KCNH1: variants seen among roughly 807,000 people sequenced by gnomAD.
KCNH1 encodes voltage-gated delayed rectifier potassium channel KCNH1.
Under a neutral mutation model 69.2 loss-of-function variants are expected in KCNH1, and 27 were observed. That is an observed-to-expected ratio of 0.39 (90% CI 0.29 to 0.54). The LOEUF is 0.54. KCNH1 is among the 20% of genes least tolerant of loss of function. KCNH1 has a pLI of 0.68. For synonymous variants in KCNH1, 456 were observed against 487.7 expected, an observed-to-expected ratio of 0.93 and a Z score of 0.86; for missense variants, 798 against 1,261.6, an observed-to-expected ratio of 0.63 and a Z score of 5.57.
At chr1:210,724,665 T>TATC (rs1682547418) in intron 10 of KCNH1, among the ~76,000 whole-genome samples, 1 of 152,178 alleles carries the variant, frequency 6.6e-6, no homozygotes, top group Admixed American at 6.5e-5. Context: ...CTTTGTACTT[T>TATC]ATCAAGTTCT....
chr1:210,896,237 C>T (rs1034390021), intron 7 of KCNH1, among the ~76,000 whole-genome samples: 1 of 152,018 alleles, frequency 6.6e-6, no homozygotes, highest in African/African-American at 2.4e-5. Flanking sequence ...AGACCTTGAC[C>T]TGAACCATTC....
intron 5 of KCNH1, among the ~76,000 whole-genome samples, chr1:211,071,804 T>A (rs1690648405): frequency 6.6e-6 from 1 of 152,192 alleles, no homozygotes. Context: ...TGAAAAACAA[T>A]CCACATATTA....
At chr1:210,864,476 T>G (rs1686060079) in intron 7 of KCNH1, among the ~76,000 whole-genome samples, 1 of 152,186 alleles carries the variant, frequency 6.6e-6, no homozygotes, top group Non-Finnish European at 1.5e-5. Context: ...GGAAGATAGC[T>G]TCCTGTGCTG....
intron 9 of KCNH1, among the ~76,000 whole-genome samples, chr1:210,793,730 G>A (rs769333296): frequency 6.6e-6 from 1 of 152,166 alleles, no homozygotes; most frequent in African/African-American, 2.4e-5. Flanking sequence ...GAGCTCTGGC[G>A]TTTTTTTCTA....
intron 10 of KCNH1, among the ~76,000 whole-genome samples, chr1:210,747,058 G>T (rs572900060): frequency 3.3e-5 from 5 of 152,314 alleles, no homozygotes; most frequent in Admixed American, 6.5e-5. Flanking sequence ...ATTTCACACT[G>T]CAACAGGGGA....
intron 6 of KCNH1, among the ~76,000 whole-genome samples, chr1:210,985,598 T>C (rs557596217): frequency 2.6e-4 from 39 of 152,296 alleles, no homozygotes; most frequent in African/African-American, 8.2e-4. Context: ...TGGTTTTGAG[T>C]GAGTTTCTTA....
At chr1:210,689,547 T>A (rs1681483809) in intron 10 of KCNH1, among the ~76,000 whole-genome samples, 1 of 152,192 alleles carries the variant, frequency 6.6e-6, no homozygotes, top group South Asian at 2.1e-4. Flanking sequence ...TCCTCAGTGG[T>A]TTGCATAAAT....
chr1:211,132,247 C>A (rs1558617829), intron 1 of KCNH1, among the ~76,000 whole-genome samples: 2 of 152,166 alleles, frequency 1.3e-5, no homozygotes, highest in Non-Finnish European at 2.9e-5. Flanking sequence ...GTCTCCATAC[C>A]CCTTAATAGT....
intron 3 of KCNH1, among the ~76,000 whole-genome samples, chr1:211,103,166 T>A (rs1437739130): frequency 6.6e-6 from 1 of 152,240 alleles, no homozygotes; most frequent in Non-Finnish European, 1.5e-5. Flanking sequence ...TTCTGTCTCA[T>A]CTTCTCCCTC....
chr1:211,059,989 A>G (rs990295823), intron 5 of KCNH1, among the ~76,000 whole-genome samples: 2 of 152,152 alleles, frequency 1.3e-5, no homozygotes, highest in African/African-American at 4.8e-5. Flanking sequence ...TAGACCACAA[A>G]TCAAGTCTTA....
At chr1:210,927,916 A>C (rs191025864) in intron 6 of KCNH1, among the ~76,000 whole-genome samples, 2 of 152,282 alleles carry the variant, frequency 1.3e-5, no homozygotes, top group Non-Finnish European at 2.9e-5. Flanking sequence ...GGCTATTCTT[A>C]TATCAGACAA....
chr1:210,778,954 A>G (rs147317463), intron 9 of KCNH1, among the ~76,000 whole-genome samples: 4 of 152,342 alleles, frequency 2.6e-5, no homozygotes, highest in South Asian at 2.1e-4. Context: ...TTACCCATAT[A>G]TCTATAAAAA....
rs397825782 is a variant in KCNH1 at position 210,935,193 on chromosome 1, A to AT, written c.1033-15125dup. Among the ~76,000 whole-genome samples, 373 of 151,562 alleles carry AT rather than the reference A, an allele frequency of 2.5e-3. 3 individuals carry two copies. Among genetic ancestry groups the AT allele is most frequent in the South Asian group, 0.019 (89 of 4,760 alleles). ...ATAGTATTCAGCCATAAAAAAAAAA[A>AT]TAAAATCCTGCCATTTGCAGGATGA... On this transcript the variant is annotated intron_variant, in intron 6 of 10. Coordinates refer to ENST00000271751, the MANE Select transcript of KCNH1 (RefSeq NM_172362.3).
chr1:210,900,220 G>A (rs1408771354), intron 7 of KCNH1, among the ~76,000 whole-genome samples: 1 of 152,210 alleles, frequency 6.6e-6, no homozygotes, highest in Admixed American at 6.5e-5. Context: ...TGGAAGGAAA[G>A]TAGTCTTGCT....
rs189655592 is a variant in KCNH1 at position 210,843,110 on chromosome 1, T to A, written c.1463-38944A>T. ...TTCAAAGTCATCTAATACGGATCCA[T>A]TACAAGACCTGCAGAAGGTAGAGAA... On this transcript the variant is annotated intron_variant, in intron 7 of 10. Coordinates refer to ENST00000271751, the MANE Select transcript of KCNH1 (RefSeq NM_172362.3). Among the ~76,000 whole-genome samples, 426 of 152,292 alleles carry A rather than the reference T, an allele frequency of 2.8e-3. 5 individuals are homozygous for A. The highest frequency in any genetic ancestry group is 3.7e-3 in the Non-Finnish European group (250 of 68,012).
At chr1:211,083,783 C>T (rs950570985) in intron 4 of KCNH1, among the ~76,000 whole-genome samples, 10 of 152,150 alleles carry the variant, frequency 6.6e-5, no homozygotes, top group African/African-American at 9.6e-5. Context: ...TTTTTTATAT[C>T]CTTCAGAGTT....
Position 210,815,880 on chromosome 1 carries a change from G to T in KCNH1, c.1463-11714C>A, listed in dbSNP as rs1253800288. ...GATAAGGCACCGGAGGTAACACACA[G>T]ATCCCACACCCTTGCTCACTTCCTC... On this transcript the variant is annotated intron_variant, in intron 7 of 10. Coordinates refer to ENST00000271751, the MANE Select transcript of KCNH1 (RefSeq NM_172362.3). Among the ~76,000 whole-genome samples the T allele has an allele frequency of 2.0e-5, 3 of 152,172 alleles. No homozygotes were observed. In the East Asian group the frequency reaches 5.8e-4, roughly 29 times the overall value.
intron 7 of KCNH1, among the ~76,000 whole-genome samples, chr1:210,843,201 C>T (rs1309471593): frequency 6.6e-6 from 1 of 152,160 alleles, no homozygotes; most frequent in African/African-American, 2.4e-5. Flanking sequence ...CATAGCTCTG[C>T]TGCTTAGGTT....
intron 7 of KCNH1, among the ~76,000 whole-genome samples, chr1:210,814,005 C>T (rs551962961): frequency 9.8e-5 from 15 of 152,290 alleles, no homozygotes; most frequent in Admixed American, 8.5e-4. Flanking sequence ...CCCAGCCACA[C>T]GGAACTGTGA....
Sources: allele counts gnomAD v4.1 joint callset (sites outside exome capture counted in the v4.1 genomes callset), GRCh38; gene constraint gnomAD v4.1.1; transcripts MANE v1.5; gene names NCBI Gene and HGNC (gene_info 2026-07-23, HGNC 2026-07-21).